KIAA0825: variants seen among roughly 807,000 people sequenced by gnomAD.
KIAA0825 encodes KIAA0825, also known as uncharacterized protein KIAA0825.
KIAA0825 carries 119 observed loss-of-function variants against 147.6 expected under a neutral mutation model. The ratio of observed to expected loss-of-function variants is 0.81; its 90% CI spans 0.69 to 0.94. The LOEUF (loss-of-function observed/expected upper bound fraction) is 0.94, where lower values mean the gene tolerates loss of function less well. KIAA0825 is among the 40% of genes least tolerant of loss of function. The pLI is 0.00. For missense variants in KIAA0825, 1,381 were observed against 1,472.7 expected (o/e 0.94, Z 1.02); for synonymous variants, 470 against 518.1 (o/e 0.91, Z 1.26).
intron 15 of KIAA0825, among the ~76,000 whole-genome samples, chr5:94,408,263 AAAG>A (rs2150658932): frequency 6.6e-6 from 1 of 152,338 alleles, no homozygotes; most frequent in East Asian, 1.9e-4. Flanking sequence ...CCAGCAGTGA[AAAG>A]GCAGGACTGG....
intron 1 of KIAA0825, among the ~76,000 whole-genome samples, chr5:94,601,373 C>T (rs562041244): frequency 3.3e-5 from 5 of 152,114 alleles, no homozygotes; most frequent in Admixed American, 6.6e-5. Flanking sequence ...ACAGCAACAA[C>T]GAAAAAACCC....
intron 5 of KIAA0825, among the ~76,000 whole-genome samples, chr5:94,486,263 T>C (rs953651343): frequency 2.6e-5 from 4 of 151,966 alleles, no homozygotes; most frequent in Non-Finnish European, 5.9e-5. Flanking sequence ...GGAGACAAAA[T>C]ACAAGTGCTA....
chr5:94,332,458 G>A (rs1414667334), intron 20 of KIAA0825, among the ~76,000 whole-genome samples: 1 of 152,052 alleles, frequency 6.6e-6, no homozygotes, highest in Non-Finnish European at 1.5e-5. Context: ...TTCCACTTAT[G>A]AGCGAGAAAA....
At chr5:94,246,562 C>T (rs757796264) in intron 20 of KIAA0825, among the ~76,000 whole-genome samples, 5 of 152,110 alleles carry the variant, frequency 3.3e-5, no homozygotes, top group Non-Finnish European at 7.3e-5. Context: ...GTTACATATG[C>T]ATTACCTTGT....
At chr5:94,351,545 C>T (rs1783674032) in intron 20 of KIAA0825, among the ~76,000 whole-genome samples, 1 of 152,164 alleles carries the variant, frequency 6.6e-6, no homozygotes, top group South Asian at 2.1e-4. Flanking sequence ...ATGCAATCCA[C>T]ATCAAAATAC....
intron 2 of KIAA0825, among the ~76,000 whole-genome samples, chr5:94,545,075 T>A (rs1774084217): frequency 6.6e-6 from 1 of 152,060 alleles, no homozygotes; most frequent in South Asian, 2.1e-4. Context: ...GTTGGGGGGC[T>A]GGCACTGAAC....
chr5:94,421,011 C>T (rs969107763), intron 14 of KIAA0825, among the ~76,000 whole-genome samples: 3 of 152,140 alleles, frequency 2.0e-5, no homozygotes, highest in African/African-American at 7.2e-5. Flanking sequence ...CCTCGTCTCT[C>T]TTGACTTCCT....
chr5:94,602,515 G>T (rs555868663), intron 1 of KIAA0825, among the ~76,000 whole-genome samples: 2 of 152,248 alleles, frequency 1.3e-5, no homozygotes, highest in African/African-American at 2.4e-5. Flanking sequence ...TAATCCCAAC[G>T]TGTTGTTGAG....
Position 94,384,628 on chromosome 5 carries a change from A to C in KIAA0825, c.3620-170T>G, listed in dbSNP as rs761594278. Reference sequence around the variant, plus strand: ...TCCACAGAAGAAGGTTTTTATTCCAATAAGACGGCAATTAATTTATAAATC... The same window carrying C: ...TCCACAGAAGAAGGTTTTTATTCCACTAAGACGGCAATTAATTTATAAATC... On this transcript the variant is annotated intron_variant, in intron 19 of 20. Transcript: ENST00000682413. Among the ~76,000 whole-genome samples, 62 of 152,212 alleles carry C rather than the reference A, an allele frequency of 4.1e-4. 1 individual carries two copies. Among genetic ancestry groups the C allele is most frequent in the Non-Finnish European group, 1.0e-4 (7 of 68,026 alleles).
chr5:94,563,953 G>A (rs920513725), intron 2 of KIAA0825, among the ~76,000 whole-genome samples: 9 of 152,148 alleles, frequency 5.9e-5, no homozygotes, highest in African/African-American at 1.7e-4. Context: ...CCAAACTGCT[G>A]GGATTACAGG....
chr5:94,597,509 TA>T lies in KIAA0825; in HGVS notation c.-152-14927del, dbSNP rs1039633749. 3.3e-5 allele frequency among the ~76,000 whole-genome samples: 5 copies of T among 152,254 alleles called. No homozygotes were observed. The South Asian group carries it at 1.0e-3, about 32-fold the overall frequency. ...AATATTACACATTTCATATGATGCA[TA>T]AAAGTGTTTGAAAGTAATTAATAGC... On this transcript the variant is annotated intron_variant, in intron 1 of 20. Coordinates refer to ENST00000682413, the MANE Select transcript of KIAA0825 (RefSeq NM_001145678.3).
intron 14 of KIAA0825, among the ~76,000 whole-genome samples, chr5:94,436,020 T>TATTA (rs1756325906): frequency 6.6e-6 from 1 of 152,244 alleles, no homozygotes; most frequent in East Asian, 1.9e-4. Context: ...AGATGCTGGA[T>TATTA]ATTAGTCTTT....
intron 2 of KIAA0825, among the ~76,000 whole-genome samples, chr5:94,559,858 A>G (rs185382473): frequency 2.8e-4 from 42 of 152,300 alleles, no homozygotes; most frequent in Non-Finnish European, 5.6e-4. Context: ...AATATATTTC[A>G]TATTTTGAGG....
intron 20 of KIAA0825, among the ~76,000 whole-genome samples, chr5:94,188,312 G>A (rs575901417): frequency 2.6e-5 from 4 of 152,334 alleles, no homozygotes; most frequent in East Asian, 3.9e-4. Flanking sequence ...GGCATTTATT[G>A]TAATTTGTAA....
At chr5:94,316,291 A>G (rs1051553557) in intron 20 of KIAA0825, among the ~76,000 whole-genome samples, 1 of 151,560 alleles carries the variant, frequency 6.6e-6, no homozygotes, top group Non-Finnish European at 1.5e-5. Context: ...TAAATAAAAT[A>G]TGAGTATTAA....
chr5:94,451,764 T>C (rs1758443587), intron 13 of KIAA0825, among the ~76,000 whole-genome samples: 1 of 152,132 alleles, frequency 6.6e-6, no homozygotes, highest in Non-Finnish European at 1.5e-5. Context: ...CTCCAGTGGT[T>C]CCAGATATAA....
chr5:94,367,933 A>T (rs1253222867), intron 20 of KIAA0825, among the ~76,000 whole-genome samples: 1 of 152,236 alleles, frequency 6.6e-6, no homozygotes, highest in Non-Finnish European at 1.5e-5. Context: ...GAATAGAGAA[A>T]TGATTAGGTA....
At chr5:94,263,036 T>G (rs2150134043) in intron 20 of KIAA0825, among the ~76,000 whole-genome samples, 1 of 152,240 alleles carries the variant, frequency 6.6e-6, no homozygotes, top group Admixed American at 6.5e-5. Context: ...TCTATGAAGC[T>G]TGGGACAGAA....
At chr5:94,372,855 C>T (rs1358622952) in intron 20 of KIAA0825, among the ~76,000 whole-genome samples, 1 of 152,130 alleles carries the variant, frequency 6.6e-6, no homozygotes, top group Non-Finnish European at 1.5e-5. Flanking sequence ...TTTTCCAAAC[C>T]TTTATGTTCT....
Sources: gnomAD v4.1 joint callset for allele counts (sites outside exome capture counted in the v4.1 genomes callset) on GRCh38, gnomAD v4.1.1 for gene constraint, MANE v1.5 for transcripts, NCBI Gene and HGNC (gene_info 2026-07-23, HGNC 2026-07-21) for gene names.